The following TSPAN13 variants were observed in gnomAD, a reference collection of about 807,000 sequenced individuals.
TSPAN13 encodes tetraspanin-13.
A neutral mutation model predicts 26.9 loss-of-function variants in TSPAN13; 18 were observed. That is an observed-to-expected ratio of 0.67 (90% CI 0.46 to 0.99). The LOEUF is 0.99. TSPAN13 is among the 50% of genes least tolerant of loss of function. The pLI is 0.00. For synonymous variants in TSPAN13, 116 were observed against 98.4 expected (o/e 1.18, Z -1.06); for missense variants, 201 against 249.6 (o/e 0.81, Z 1.31).
chr7:16,777,955 A>C (rs779477234), intron 4 of TSPAN13, 44 bp downstream of exon 4: 2 of 1,369,720 alleles, frequency 1.5e-6, no homozygotes, highest in South Asian at 2.5e-5. Context: ...TGTATTACAG[A>C]TAAATAATGA....
chr7:16,777,732 ACAGG>A lies in TSPAN13; in HGVS notation c.313-64_313-61del. On this transcript the variant is annotated intron_variant, in intron 3 of 5. Coordinates refer to ENST00000262067, the MANE Select transcript of TSPAN13 (RefSeq NM_014399.4). ...TTAGGTACACTTAGTACTAAAAGTT[ACAGG>A]CTCCAGCTTTATACATTTTCTGCAG... 2.5e-6 allele frequency: 3 copies of A among 1,213,066 alleles called. No homozygotes were observed. The South Asian group carries it at 4.6e-5, about 19-fold the overall frequency. 75.1% of individuals were successfully genotyped at this position (1,213,066 alleles called of 1,614,324 possible).
At chr7:16,777,741 A>AG (rs1244397896) in intron 3 of TSPAN13, 57 bp from the exon 4 acceptor site, 3 of 1,341,492 alleles carry the variant, frequency 2.2e-6, no homozygotes, top group Non-Finnish European at 3.1e-6. Context: ...TACAGGCTCC[A>AG]GCTTTATACA....
intron 1 of TSPAN13, among the ~76,000 whole-genome samples, chr7:16,758,351 T>A (rs1189760433): frequency 6.6e-6 from 1 of 152,188 alleles, no homozygotes; most frequent in Non-Finnish European, 1.5e-5. Flanking sequence ...ACAGCTTACT[T>A]TGAGTTTCAG....
At chr7:16,765,846 G>A (rs1299328434) in intron 1 of TSPAN13, among the ~76,000 whole-genome samples, 1 of 152,144 alleles carries the variant, frequency 6.6e-6, no homozygotes, top group Non-Finnish European at 1.5e-5. Flanking sequence ...AAGATTCTTT[G>A]GAGTTCCTTT....
Position 16,763,660 on chromosome 7 carries a change from C to T in TSPAN13, c.63+9630C>T, listed in dbSNP as rs553129563. 5.9e-5 allele frequency among the ~76,000 whole-genome samples: 9 copies of T among 152,266 alleles called. No individual in the cohort carries two copies. In the East Asian group the frequency reaches 1.5e-3, roughly 26 times the overall value. On this transcript the variant is annotated intron_variant, in intron 1 of 5. Coordinates refer to ENST00000262067, the MANE Select transcript of TSPAN13 (RefSeq NM_014399.4). ...ATTCCTTTATCGATCTTGCAGGACA[C>T]GCTTATTGACCCTGTTGGCTTATGG...
intron 1 of TSPAN13, among the ~76,000 whole-genome samples, chr7:16,764,958 G>T (rs1004402406): frequency 6.7e-6 from 1 of 150,176 alleles, no homozygotes; most frequent in African/African-American, 2.5e-5. Flanking sequence ...ACAAGGTCTT[G>T]CTATGTTGCT....
At chr7:16,764,699 T>C (rs1317594895) in intron 1 of TSPAN13, among the ~76,000 whole-genome samples, 1 of 152,200 alleles carries the variant, frequency 6.6e-6, no homozygotes, top group South Asian at 2.1e-4. Flanking sequence ...CCTGTTGATA[T>C]GCCTATAAAG....
chr7:16,777,448 C>G (rs531862948), intron 3 of TSPAN13, among the ~76,000 whole-genome samples: 23 of 152,306 alleles, frequency 1.5e-4, no homozygotes, highest in African/African-American at 5.5e-4. Context: ...TCCAGTCTAG[C>G]AATGACTGTT....
chr7:16,754,114 C>A (rs946782852), intron 1 of TSPAN13, 84 bp downstream of exon 1: 2 of 1,407,842 alleles, frequency 1.4e-6, no homozygotes, highest in Non-Finnish European at 2.0e-6. Context: ...TGGTCAGCGA[C>A]TCACTCGTTG....
rs906524164 is a variant in TSPAN13, at chr7:16,753,871, C to T, written c.-97C>T. 7.5e-7 allele frequency: 1 copy of T among 1,337,852 alleles called. No homozygotes were observed. Among genetic ancestry groups the T allele is most frequent in the African/African-American group, 1.5e-5 (1 of 68,650 alleles). 82.9% of individuals were successfully genotyped at this position (1,337,852 alleles called of 1,614,324 possible). A position where few individuals can be genotyped will look rare whatever the true frequency, so the allele number is the denominator to read the frequency against. ...CACCCACGTCTGCGTTGCTGCCCCGCCTGGGCCAGGCCCCAAAGGCAAGGA... is the reference window on the plus strand; with the variant it reads ...CACCCACGTCTGCGTTGCTGCCCCGTCTGGGCCAGGCCCCAAAGGCAAGGA... On this transcript the variant is annotated 5_prime_UTR_variant, in exon 1 of 6. Transcript: ENST00000262067.
chr7:16,754,045 T>C lies in TSPAN13; in HGVS notation c.63+15T>C. ...TGCTTTACACCGTGAGTATCCCCAG[T>C]CCGTTCCTGCTCGCTTGGGGGCTTT... is the stretch of plus-strand genomic sequence containing the variant. On this transcript the variant is annotated intron_variant, in intron 1 of 5. Transcript: ENST00000262067. 1.2e-6 allele frequency: 2 copies of C among 1,612,898 alleles called. No homozygotes were observed. Among genetic ancestry groups the C allele is most frequent in the South Asian group, 2.2e-5 (2 of 90,918 alleles).
At chr7:16,778,804 G>A (rs987185583) in intron 4 of TSPAN13, among the ~76,000 whole-genome samples, 199 bp from the exon 5 acceptor site, 20 of 152,176 alleles carry the variant, frequency 1.3e-4, no homozygotes, top group African/African-American at 4.1e-4. Context: ...CTCAAGAGCA[G>A]TGATTGTATA....
At chr7:16,778,156 T>C (rs759882640) in intron 4 of TSPAN13, among the ~76,000 whole-genome samples, 3 of 152,216 alleles carry the variant, frequency 2.0e-5, no homozygotes, top group Non-Finnish European at 2.9e-5. Flanking sequence ...CCCTAATTTC[T>C]TCCCATCCTT....
intron 1 of TSPAN13, among the ~76,000 whole-genome samples, chr7:16,770,718 A>T (rs1471804171): frequency 2.0e-5 from 3 of 151,900 alleles, no homozygotes; most frequent in African/African-American, 7.3e-5. Context: ...AAGGGCTGGG[A>T]TTTGGAAGGG....
At chr7:16,760,522 G>A (rs1331588199) in intron 1 of TSPAN13, among the ~76,000 whole-genome samples, 3 of 152,264 alleles carry the variant, frequency 2.0e-5, no homozygotes, top group Middle Eastern at 6.8e-3. Flanking sequence ...AGTATTGGAC[G>A]TGATGCTAAA....
At chr7:16,769,574 GA>G (rs1332890021) in intron 1 of TSPAN13, among the ~76,000 whole-genome samples, 1 of 152,086 alleles carries the variant, frequency 6.6e-6, no homozygotes, top group Non-Finnish European at 1.5e-5. Context: ...AAAAGTATGT[GA>G]AAAAAATTTT....
intron 4 of TSPAN13, 115 bp from the exon 5 acceptor site, chr7:16,778,888 A>C: frequency 1.4e-6 from 1 of 697,312 alleles, no homozygotes. Context: ...CTAAAAAACC[A>C]AGGCCTCAAA....
intron 1 of TSPAN13, among the ~76,000 whole-genome samples, chr7:16,761,496 T>A (rs1377012038): frequency 1.3e-5 from 2 of 152,050 alleles, no homozygotes; most frequent in Non-Finnish European, 2.9e-5. Flanking sequence ...TGTTGAGGCA[T>A]ATTGAGGAAG....
At chr7:16,782,870 G>C (rs933782431) in intron 5 of TSPAN13, among the ~76,000 whole-genome samples, 1 of 152,112 alleles carries the variant, frequency 6.6e-6, no homozygotes, top group Non-Finnish European at 1.5e-5. Flanking sequence ...CAAACTTATT[G>C]TCTTACAGTT....
Sources: allele counts gnomAD v4.1 joint callset (sites outside exome capture counted in the v4.1 genomes callset), GRCh38; gene constraint gnomAD v4.1.1; transcripts MANE v1.5; gene names NCBI Gene and HGNC (gene_info 2026-07-23, HGNC 2026-07-21).